Variants in EDEM1 observed in about 807,000 individuals in gnomAD.
EDEM1 encodes the protein ER degradation enhancing alpha-mannosidase like protein 1.
EDEM1 carries 67 observed loss-of-function variants against 74.4 expected under a neutral mutation model. That is an observed-to-expected ratio of 0.90 (90% CI 0.74 to 1.10). The LOEUF is 1.10. Ranked by LOEUF, EDEM1 falls within the 50% of genes least tolerant of loss-of-function variation. The probability of loss-of-function intolerance (pLI) is 0.00; values close to 1 mark genes in which losing one functional copy is unlikely to be tolerated. For synonymous variants in EDEM1, 382 were observed against 335.9 expected (o/e 1.14, Z -1.50); for missense variants, 926 against 851.6 (o/e 1.09, Z -1.09).
At chr3:5,196,461 GACACACACAC>G (rs34441448) in intron 2 of EDEM1, among the ~76,000 whole-genome samples, 2 of 148,686 alleles carry the variant, frequency 1.3e-5, no homozygotes, top group East Asian at 3.9e-4. Context: ...CATCTCTGGA[GACACACACAC>G]ACACACACAC....
At position 5,218,710 on chromosome 3, in the gene EDEM1, C is replaced by T. The variant is rs936125842; in HGVS notation, c.*2792C>T. 24 of 150,606 alleles carry T rather than the reference C, an allele frequency of 1.6e-4. 1 individual carries two copies. Among genetic ancestry groups the T allele is most frequent in the Admixed American group, 2.0e-4 (3 of 15,218 alleles). The allele number at this position is 150,606 out of a possible 1,614,324, so 9.3% of individuals were successfully genotyped here. On this transcript the variant is annotated 3_prime_UTR_variant, in exon 12 of 12. Coordinates refer to ENST00000256497, the MANE Select transcript of EDEM1 (RefSeq NM_014674.3). Reference sequence around the variant, plus strand: ...CTCATAACAAACTTTCAAATCATTACAGTAGCTTAGCTACTTTAGTTGATG... The same window carrying T: ...CTCATAACAAACTTTCAAATCATTATAGTAGCTTAGCTACTTTAGTTGATG...
At chr3:5,191,962 CTATT>C (rs1362886884) in intron 1 of EDEM1, among the ~76,000 whole-genome samples, 4 of 152,164 alleles carry the variant, frequency 2.6e-5, no homozygotes, top group African/African-American at 9.7e-5. Flanking sequence ...AACTGTATTG[CTATT>C]AAAACAACAA....
chr3:5,214,212 C>T (rs1476139657), intron 11 of EDEM1, among the ~76,000 whole-genome samples: 1 of 152,166 alleles, frequency 6.6e-6, no homozygotes, highest in Non-Finnish European at 1.5e-5. Flanking sequence ...TGATTTGAAT[C>T]AAATAGGATG....
chr3:5,194,630 A>G lies in EDEM1; in HGVS notation c.510-579A>G, dbSNP rs73004914. Among the ~76,000 whole-genome samples the G allele has an allele frequency of 4.1e-3, 622 of 152,310 alleles. 4 individuals carry two copies. Among genetic ancestry groups the G allele is most frequent in the Middle Eastern group, 0.01 (3 of 294 alleles). On this transcript the variant is annotated intron_variant, in intron 1 of 11. Transcript: ENST00000256497. ...TTCCTGCCTAGGTTCATGTTAAATG[A>G]TATCTCAGAATTAACGGAAATAATC...
chr3:5,214,052 C>T (rs1386434506), intron 11 of EDEM1, among the ~76,000 whole-genome samples: 2 of 152,164 alleles, frequency 1.3e-5, no homozygotes, highest in Non-Finnish European at 2.9e-5. Flanking sequence ...ACGATGGTCC[C>T]AATGAAGATG....
rs1362854521 is a variant in EDEM1, at chr3:5,188,334, CG to C, written c.509+24del. The C allele has an allele frequency of 6.4e-6, 9 of 1,405,146 alleles. No homozygotes were observed. The highest frequency in any genetic ancestry group is 3.7e-4 in the Middle Eastern group (2 of 5,386). The allele number at this position is 1,405,146 out of a possible 1,614,324, so 87.0% of individuals were successfully genotyped here. On this transcript the variant is annotated intron_variant, in intron 1 of 11. Coordinates refer to ENST00000256497, the MANE Select transcript of EDEM1 (RefSeq NM_014674.3). ...GGACCCGTGAGTAGCCCCCGCCGCCCGGGGCCGCGCGCCCACGCGCTTCCTT... is the reference window on the plus strand; with the variant it reads ...GGACCCGTGAGTAGCCCCCGCCGCCCGGGCCGCGCGCCCACGCGCTTCCTT...
chr3:5,215,191 G>A (rs1006515783), intron 11 of EDEM1, among the ~76,000 whole-genome samples: 5 of 151,190 alleles, frequency 3.3e-5, no homozygotes, highest in African/African-American at 9.7e-5. Flanking sequence ...TGTTTCTTTG[G>A]AGATGAAGCA....
chr3:5,205,528 G>C (rs999922710), intron 6 of EDEM1, among the ~76,000 whole-genome samples: 1 of 152,214 alleles, frequency 6.6e-6, no homozygotes, highest in African/African-American at 2.4e-5. Flanking sequence ...TCTGGCCCAG[G>C]ATCTCTCCTG....
chr3:5,206,848 C>T (rs1383793515), intron 6 of EDEM1, among the ~76,000 whole-genome samples: 11 of 152,176 alleles, frequency 7.2e-5, no homozygotes, highest in Admixed American at 7.2e-4. Context: ...ATACTATATA[C>T]TGAATTCTCT....
chr3:5,211,686 GTGT>G (rs903564792), intron 10 of EDEM1, among the ~76,000 whole-genome samples: 4 of 151,516 alleles, frequency 2.6e-5, no homozygotes, highest in Admixed American at 6.6e-5. Flanking sequence ...GTGTGTGTGT[GTGT>G]AGAGAGAGAG....
intron 8 of EDEM1, 94 bp from the exon 9 acceptor site, chr3:5,210,081 G>A (rs2055149954): frequency 5.5e-6 from 6 of 1,098,484 alleles, no homozygotes; most frequent in East Asian, 4.7e-5. Flanking sequence ...CTGGCGACTC[G>A]TCTCCATGGG....
rs529363130 is a variant in EDEM1, at chr3:5,218,852, T to A, written c.*2934T>A. On this transcript the variant is annotated 3_prime_UTR_variant, in exon 12 of 12. Transcript: ENST00000256497. ...TATTCAAATCTTTCCTTCATTTTTTTAAATTTTTTTTTTGGCAGCGCTTGT... is the reference window on the plus strand; with the variant it reads ...TATTCAAATCTTTCCTTCATTTTTTAAAATTTTTTTTTTGGCAGCGCTTGT... The A allele has an allele frequency of 1.3e-4, 20 of 152,304 alleles. No homozygotes were observed. The South Asian group carries it at 1.5e-3, about 11-fold the overall frequency. 9.4% of individuals were successfully genotyped at this position (152,304 alleles called of 1,614,324 possible).
At chr3:5,205,290 G>A in intron 6 of EDEM1, 49 bp downstream of exon 6, 11 of 1,549,098 alleles carry the variant, frequency 7.1e-6, no homozygotes, top group East Asian at 2.3e-5. Context: ...CAAATAGAAT[G>A]CATTCTGAAG....
chr3:5,196,531 A>G (rs1367981912), intron 2 of EDEM1, among the ~76,000 whole-genome samples: 2 of 152,152 alleles, frequency 1.3e-5, no homozygotes, highest in East Asian at 3.8e-4. Flanking sequence ...ATTGTCTAGT[A>G]TCTTGCTAGT....
At chr3:5,207,060 C>A (rs1414421175) in intron 6 of EDEM1, 93 bp from the exon 7 acceptor site, 2 of 1,529,166 alleles carry the variant, frequency 1.3e-6, no homozygotes, top group African/African-American at 1.4e-5. Context: ...AATGTTAATT[C>A]CGTTTAAATG....
intron 4 of EDEM1, 72 bp downstream of exon 4, chr3:5,201,996 A>G: frequency 6.6e-7 from 1 of 1,520,864 alleles, no homozygotes; most frequent in Non-Finnish European, 8.8e-7. Flanking sequence ...TTTGCTTACT[A>G]ATTTATTTGG....
chr3:5,199,495 C>A, intron 2 of EDEM1, 97 bp from the exon 3 acceptor site: 1 of 819,000 alleles, frequency 1.2e-6, no homozygotes, highest in South Asian at 1.7e-5. Context: ...AGCAAAACCA[C>A]ATACAGACAT....
At chr3:5,199,560 T>A in intron 2 of EDEM1, 32 bp from the exon 3 acceptor site, 1 of 1,510,938 alleles carries the variant, frequency 6.6e-7, no homozygotes, top group South Asian at 1.1e-5. Context: ...CATTTCAAGT[T>A]GCTGTAATGA....
At chr3:5,207,998 T>G in intron 7 of EDEM1, 95 bp from the exon 8 acceptor site, 1 of 1,421,652 alleles carries the variant, frequency 7.0e-7, no homozygotes, top group Non-Finnish European at 9.4e-7. Flanking sequence ...AACTAAGAAC[T>G]CGGGGGCAGA....
Sources: allele counts gnomAD v4.1 joint callset (sites outside exome capture counted in the v4.1 genomes callset), GRCh38; gene constraint gnomAD v4.1.1; transcripts MANE v1.5; gene names NCBI Gene and HGNC (gene_info 2026-07-23, HGNC 2026-07-21).